ADGRB3: variants seen among roughly 807,000 people sequenced by gnomAD.
The protein encoded by ADGRB3 is adhesion G protein-coupled receptor B3.
In ADGRB3, 37 loss-of-function variants were observed where a neutral mutation model predicts 193.4. The ratio of observed to expected loss-of-function variants is 0.19; its 90% CI spans 0.15 to 0.25. The LOEUF (loss-of-function observed/expected upper bound fraction) is 0.25, where lower values mean the gene tolerates loss of function less well. ADGRB3 is among the 10% of genes least tolerant of loss of function. ADGRB3 has a pLI of 1.00. For synonymous variants in ADGRB3, 690 were observed against 644.2 expected (o/e 1.07, Z -1.08); for missense variants, 1,637 against 1,852.9 (o/e 0.88, Z 2.14).
At position 68,792,284 on chromosome 6, in the gene ADGRB3, A is replaced by C. The variant is rs549737107; in HGVS notation, c.758-138275A>C. On this transcript the variant is annotated intron_variant, in intron 3 of 31. Coordinates refer to ENST00000370598, the MANE Select transcript of ADGRB3 (RefSeq NM_001704.3). ...GTGTCTTCCTCACTGAGGAACTAGCATGACACTAACCTAAAAGTAGAAAAG... is the reference window on the plus strand; with the variant it reads ...GTGTCTTCCTCACTGAGGAACTAGCCTGACACTAACCTAAAAGTAGAAAAG... Among the ~76,000 whole-genome samples the C allele has an allele frequency of 1.6e-4, 24 of 152,360 alleles. No individual in the cohort carries two copies. In the Middle Eastern group the frequency reaches 0.01, roughly 65 times the overall value.
chr6:68,767,909 G>A (rs1384567745), intron 3 of ADGRB3, among the ~76,000 whole-genome samples: 1 of 152,056 alleles, frequency 6.6e-6, no homozygotes, highest in Non-Finnish European at 1.5e-5. Context: ...GATAAACAGA[G>A]AGCCAAATCA....
At chr6:69,359,240 C>T (rs1053962948) in intron 28 of ADGRB3, among the ~76,000 whole-genome samples, 5 of 151,460 alleles carry the variant, frequency 3.3e-5, no homozygotes, top group African/African-American at 1.2e-4. Flanking sequence ...TATTTATTTA[C>T]AATATCATTA....
At chr6:68,824,251 A>G (rs1253768810) in intron 3 of ADGRB3, among the ~76,000 whole-genome samples, 1 of 151,402 alleles carries the variant, frequency 6.6e-6, no homozygotes, top group African/African-American at 2.4e-5. Context: ...ATCTCTGTGA[A>G]GAGTTTTGAT....
intron 12 of ADGRB3, among the ~76,000 whole-genome samples, chr6:69,015,037 A>G (rs564726301): frequency 2.9e-4 from 44 of 151,932 alleles, no homozygotes; most frequent in African/African-American, 1.0e-3. Flanking sequence ...CCCTTATTTT[A>G]ATACTTTAAA....
chr6:69,226,315 A>T (rs1050274760), intron 17 of ADGRB3, among the ~76,000 whole-genome samples: 1 of 152,230 alleles, frequency 6.6e-6, no homozygotes, highest in Admixed American at 6.5e-5. Flanking sequence ...TGAATAAATG[A>T]ATGAATGAAT....
At chr6:69,374,938 AG>A in intron 30 of ADGRB3, among the ~76,000 whole-genome samples, 1 of 152,108 alleles carries the variant, frequency 6.6e-6, no homozygotes, top group Non-Finnish European at 1.5e-5. Context: ...TGAATTTCAA[AG>A]ATATCCACAT....
rs540965815 is a variant in ADGRB3, at chr6:68,821,683, G to A, written c.758-108876G>A. Reference sequence around the variant, plus strand: ...TTGCATAGTGTCATATAAATCTGAAGGGCTTGGAAAAGAATTTTTAATTTT... The same window carrying A: ...TTGCATAGTGTCATATAAATCTGAAAGGCTTGGAAAAGAATTTTTAATTTT... On this transcript the variant is annotated intron_variant, in intron 3 of 31. Coordinates refer to ENST00000370598, the MANE Select transcript of ADGRB3 (RefSeq NM_001704.3). Among the ~76,000 whole-genome samples, 105 of 151,572 alleles carry A rather than the reference G, an allele frequency of 6.9e-4. 2 individuals carry two copies. The highest frequency in any genetic ancestry group is 1.4e-3 in the Non-Finnish European group (95 of 67,748).
At chr6:68,779,917 T>C (rs1041011898) in intron 3 of ADGRB3, among the ~76,000 whole-genome samples, 1 of 152,114 alleles carries the variant, frequency 6.6e-6, no homozygotes, top group Non-Finnish European at 1.5e-5. Flanking sequence ...AAGAAACACT[T>C]TTTTTATCCT....
chr6:68,995,308 G>T (rs966958778), intron 11 of ADGRB3, among the ~76,000 whole-genome samples: 1 of 152,054 alleles, frequency 6.6e-6, no homozygotes, highest in South Asian at 2.1e-4. Flanking sequence ...CAAAATATAA[G>T]TTGTGATTTC....
intron 10 of ADGRB3, among the ~76,000 whole-genome samples, chr6:68,975,875 C>A (rs1768732156): frequency 6.6e-6 from 1 of 152,174 alleles, no homozygotes; most frequent in African/African-American, 2.4e-5. Context: ...AATAGCTCTT[C>A]TTTTCCCACA....
chr6:69,374,988 A>C (rs1769783936), intron 30 of ADGRB3, among the ~76,000 whole-genome samples: 1 of 152,118 alleles, frequency 6.6e-6, no homozygotes, highest in Non-Finnish European at 1.5e-5. Context: ...GGCAGGTAGA[A>C]ATTCCAGGAA....
At chr6:69,249,124 T>C (rs1766563103) in intron 20 of ADGRB3, among the ~76,000 whole-genome samples, 5 of 152,260 alleles carry the variant, frequency 3.3e-5, no homozygotes, top group South Asian at 4.2e-4. Context: ...ATTACAGGTG[T>C]GCATCACCAT....
chr6:69,275,875 T>C (rs1266218230), intron 20 of ADGRB3, among the ~76,000 whole-genome samples: 2 of 152,152 alleles, frequency 1.3e-5, no homozygotes, highest in African/African-American at 4.8e-5. Context: ...CAGTTCTTTC[T>C]GGAGGAAAGG....
intron 11 of ADGRB3, among the ~76,000 whole-genome samples, chr6:69,010,179 C>G (rs1769891945): frequency 6.6e-6 from 1 of 152,038 alleles, no homozygotes; most frequent in Non-Finnish European, 1.5e-5. Flanking sequence ...TGTACCACAA[C>G]CATTCACCAT....
At chr6:69,341,377 C>T (rs1768970994) in intron 26 of ADGRB3, among the ~76,000 whole-genome samples, 1 of 152,144 alleles carries the variant, frequency 6.6e-6, no homozygotes, top group African/African-American at 2.4e-5. Flanking sequence ...TGATGATGAT[C>T]TATTTTTCAT....
At position 68,778,060 on chromosome 6, in the gene ADGRB3, G is replaced by A. The variant is rs370069640; in HGVS notation, c.757+138628G>A. 7.2e-5 allele frequency among the ~76,000 whole-genome samples: 11 copies of A among 152,162 alleles called. No homozygotes were observed. The East Asian group carries it at 1.4e-3, about 19-fold the overall frequency. ...TTGACTCTACTTATTCTTGTCTATG[G>A]AACTGGCCTTTTAGCCAGTCACAGA... On this transcript the variant is annotated intron_variant, in intron 3 of 31. Coordinates refer to ENST00000370598, the MANE Select transcript of ADGRB3 (RefSeq NM_001704.3).
intron 17 of ADGRB3, among the ~76,000 whole-genome samples, chr6:69,167,565 G>A (rs532858861): frequency 1.3e-5 from 2 of 152,056 alleles, no homozygotes; most frequent in East Asian, 3.9e-4. Flanking sequence ...TAGAGATTTG[G>A]GTTTTTCCAG....
intron 21 of ADGRB3, among the ~76,000 whole-genome samples, chr6:69,327,191 A>C (rs1393872934): frequency 3.3e-5 from 5 of 152,156 alleles, no homozygotes; most frequent in African/African-American, 9.6e-5. Context: ...CTCTACCAAA[A>C]TACAGGGGGG....
At chr6:69,273,511 T>C (rs538456914) in intron 20 of ADGRB3, among the ~76,000 whole-genome samples, 19 of 152,306 alleles carry the variant, frequency 1.2e-4, no homozygotes, top group African/African-American at 3.6e-4. Flanking sequence ...TTAAAACTCA[T>C]GTCAACAGTT....
Sources: allele counts gnomAD v4.1 joint callset (sites outside exome capture counted in the v4.1 genomes callset), GRCh38; gene constraint gnomAD v4.1.1; transcripts MANE v1.5; gene names NCBI Gene and HGNC (gene_info 2026-07-23, HGNC 2026-07-21).